The following NFYC variants were observed in gnomAD, a reference collection of about 807,000 sequenced individuals.
The protein encoded by NFYC is CAAT box DNA-binding protein subunit C.
In NFYC, 25 loss-of-function variants were observed where a neutral mutation model predicts 53.1. The ratio of observed to expected loss-of-function variants is 0.47; its 90% CI spans 0.34 to 0.66. The LOEUF is 0.66. NFYC is among the 30% of genes least tolerant of loss of function. The pLI is 0.01. For synonymous variants in NFYC, 145 were observed against 152.6 expected, an observed-to-expected ratio of 0.95 and a Z score of 0.37; for missense variants, 260 against 422.7, an observed-to-expected ratio of 0.62 and a Z score of 3.38.
chr1:40,766,702 A>C lies in NFYC; in HGVS notation c.827A>C (p.Gln276Pro). The change falls in exon 8 of 10, where the codon CAG becomes CCG. Residue 276 changes from glutamine (Q) to proline (P), a missense_variant and splice_region_variant. Transcript: ENST00000447388. ...CAGACACTTGCCACCAATGCTCAAC[A>C]GGTATGTGCCCCAGAGACACAAGGC... ...QIQTLATNAQ[Q>P]ITQTEVQQGQ... is the part of the protein sequence containing the mutation. The C allele has an allele frequency of 6.2e-7, 1 of 1,613,416 alleles. No homozygotes were observed.
intron 4 of NFYC, 97 bp downstream of exon 4, chr1:40,749,783 C>T: frequency 9.2e-6 from 9 of 977,178 alleles, no homozygotes; most frequent in Non-Finnish European, 1.1e-5. Flanking sequence ...TCCTTTAGGA[C>T]CAAAGATTGT....
intron 1 of NFYC, among the ~76,000 whole-genome samples, chr1:40,724,420 CTG>C (rs1644436058): frequency 6.6e-6 from 1 of 152,188 alleles, no homozygotes; most frequent in Non-Finnish European, 1.5e-5. Context: ...TCCAGTGAAA[CTG>C]TTTCTAAAAA....
intron 6 of NFYC, among the ~76,000 whole-genome samples, chr1:40,762,600 G>A (rs1646605346): frequency 6.6e-6 from 1 of 152,132 alleles, no homozygotes; most frequent in Non-Finnish European, 1.5e-5. Context: ...TCACTAAAGG[G>A]GCTGTGAAAA....
chr1:40,717,811 C>A (rs1228523245), intron 1 of NFYC, among the ~76,000 whole-genome samples: 1 of 151,960 alleles, frequency 6.6e-6, no homozygotes, highest in Non-Finnish European at 1.5e-5. Context: ...TGAAGCTGAC[C>A]AAAAATACAT....
At chr1:40,716,551 G>A (rs1049161404) in intron 1 of NFYC, among the ~76,000 whole-genome samples, 4 of 152,098 alleles carry the variant, frequency 2.6e-5, no homozygotes, top group Non-Finnish European at 5.9e-5. Context: ...TCTGCTTGAC[G>A]TTGGTGACCA....
At chr1:40,759,769 G>A (rs569705783) in intron 6 of NFYC, among the ~76,000 whole-genome samples, 1 of 152,178 alleles carries the variant, frequency 6.6e-6, no homozygotes, top group African/African-American at 2.4e-5. Flanking sequence ...CCAGTAGAGG[G>A]CACAGCACAG....
rs1193658665 is a variant in NFYC, at chr1:40,691,870, G to C, written c.-9+3G>C. ...TCTTCCTGGACTCCTGAGCAGAGGT[G>C]TGTGAGTGTGCGGGAGTTTCTGTGC... is the stretch of plus-strand genomic sequence containing the variant. On this transcript the variant is annotated splice_donor_region_variant and intron_variant, in intron 1 of 9. Coordinates refer to ENST00000447388, the MANE Select transcript of NFYC (RefSeq NM_014223.5). 1 of 402,144 alleles carries C rather than the reference G, an allele frequency of 2.5e-6. No individual in the cohort carries two copies. The highest frequency in any genetic ancestry group is 2.1e-5 in the African/African-American group (1 of 46,950). The allele number at this position is 402,144 out of a possible 1,614,324, so 24.9% of individuals were successfully genotyped here. A position where few individuals can be genotyped will look rare whatever the true frequency, so the allele number is the denominator to read the frequency against.
intron 2 of NFYC, among the ~76,000 whole-genome samples, chr1:40,747,230 T>C (rs1317736759): frequency 1.6e-5 from 2 of 128,350 alleles, no homozygotes; most frequent in Non-Finnish European, 3.2e-5. Flanking sequence ...AATGTCCCTC[T>C]ATGTTGTGCT....
chr1:40,738,785 A>C lies in NFYC; in HGVS notation c.-8-51A>C, dbSNP rs1014698537. 1.7e-5 allele frequency: 23 copies of C among 1,330,784 alleles called. No individual in the cohort carries two copies. In the African/African-American group the frequency reaches 2.9e-4, roughly 17 times the overall value. The allele number at this position is 1,330,784 out of a possible 1,614,324, so 82.4% of individuals were successfully genotyped here. ...TATACAAATGCCTAATCTGGACAGA[A>C]AGTCTGACTTTATTGTTTCTAATGT... On this transcript the variant is annotated intron_variant, in intron 1 of 9. Transcript: ENST00000447388.
intron 1 of NFYC, among the ~76,000 whole-genome samples, chr1:40,734,182 C>T (rs1266060644): frequency 6.6e-6 from 1 of 152,110 alleles, no homozygotes. Flanking sequence ...CACCCAGCCT[C>T]CTCTTACTTT....
At chr1:40,752,935 G>C (rs1645995336) in intron 4 of NFYC, among the ~76,000 whole-genome samples, 1 of 152,094 alleles carries the variant, frequency 6.6e-6, no homozygotes, top group African/African-American at 2.4e-5. Flanking sequence ...ATTTTACAGT[G>C]TGAGTTACAT....
chr1:40,710,138 C>T (rs1425527680), intron 1 of NFYC, among the ~76,000 whole-genome samples: 1 of 152,224 alleles, frequency 6.6e-6, no homozygotes, highest in Non-Finnish European at 1.5e-5. Context: ...ATTTACCAGT[C>T]TACCTCTAGA....
Position 40,771,165 on chromosome 1 carries a change from CT to C in NFYC, c.*347del, listed in dbSNP as rs34929346. The C allele has an allele frequency of 0.24, 74,146 of 312,022 alleles. 9,349 individuals are homozygous for C. Among genetic ancestry groups the C allele is most frequent in the South Asian group, 0.4 (10,293 of 25,860 alleles). The allele number at this position is 312,022 out of a possible 1,614,324, so 19.3% of individuals were successfully genotyped here. A position where few individuals can be genotyped will look rare whatever the true frequency, so the allele number is the denominator to read the frequency against. On this transcript the variant is annotated 3_prime_UTR_variant, in exon 10 of 10. Coordinates refer to ENST00000447388, the MANE Select transcript of NFYC (RefSeq NM_014223.5). ...AAGAAATATTTCTCCTTTTGTTTTTCTTTTTTTTTTGTTTGTTACTGCCACT... is the reference window on the plus strand; with the variant it reads ...AAGAAATATTTCTCCTTTTGTTTTTCTTTTTTTTTGTTTGTTACTGCCACT...
chr1:40,749,951 A>C (rs997969760), intron 4 of NFYC, among the ~76,000 whole-genome samples: 3 of 152,306 alleles, frequency 2.0e-5, no homozygotes, highest in East Asian at 3.9e-4. Context: ...TTCACAGCTT[A>C]GTGACTGAAC....
At chr1:40,709,990 T>G (rs1643883454) in intron 1 of NFYC, among the ~76,000 whole-genome samples, 1 of 152,244 alleles carries the variant, frequency 6.6e-6, no homozygotes, top group African/African-American at 2.4e-5. Flanking sequence ...TCCATGCACT[T>G]TGTTGACATC....
intron 8 of NFYC, chr1:40,768,849 A>G (rs823685): frequency 0.79 from 123,402 of 155,876 alleles, 48,920 homozygotes; most frequent in East Asian, 0.92. Context: ...GACTGCTGGG[A>G]CCAAGGCCAC....
chr1:40,763,659 T>A (rs1012589583), intron 7 of NFYC, among the ~76,000 whole-genome samples: 1 of 152,196 alleles, frequency 6.6e-6, no homozygotes, highest in Non-Finnish European at 1.5e-5. Context: ...CAGTACTTAT[T>A]TATATATATG....
chr1:40,744,008 A>G (rs1435542959), intron 2 of NFYC, among the ~76,000 whole-genome samples: 1 of 152,190 alleles, frequency 6.6e-6, no homozygotes, highest in African/African-American at 2.4e-5. Context: ...CCACTAGAGC[A>G]GGGGTCCCCA....
At chr1:40,717,303 ACC>A (rs1031851354) in intron 1 of NFYC, among the ~76,000 whole-genome samples, 11 of 152,082 alleles carry the variant, frequency 7.2e-5, no homozygotes, top group African/African-American at 2.7e-4. Flanking sequence ...TTGGTTGCAC[ACC>A]CCTGTTTTCT....
Sources: gnomAD v4.1 joint callset for allele counts (sites outside exome capture counted in the v4.1 genomes callset) on GRCh38, gnomAD v4.1.1 for gene constraint, MANE v1.5 for transcripts, NCBI Gene and HGNC (gene_info 2026-07-23, HGNC 2026-07-21) for gene names.